Variants in DDAH1 observed in about 807,000 individuals in gnomAD.
DDAH1 encodes the protein dimethylarginine dimethylaminohydrolase 1, also known as N(G),N(G)-dimethylarginine dimethylaminohydrolase 1.
DDAH1 carries 19 observed loss-of-function variants against 28.8 expected under a neutral mutation model. The ratio of observed to expected loss-of-function variants is 0.66; its 90% CI spans 0.46 to 0.97. DDAH1 has a LOEUF of 0.97. Ranked by LOEUF, DDAH1 falls within the 50% of genes least tolerant of loss-of-function variation. DDAH1 has a pLI of 0.00. For synonymous variants in DDAH1, 153 were observed against 154.4 expected (o/e 0.99, Z 0.07); for missense variants, 326 against 375.9 (o/e 0.87, Z 1.10).
intron 1 of DDAH1, among the ~76,000 whole-genome samples, chr1:85,424,705 C>T (rs1034503467): frequency 4.6e-5 from 7 of 151,954 alleles, no homozygotes; most frequent in African/African-American, 9.7e-5. Context: ...TTATCATAGG[C>T]ATATATACCA....
At chr1:85,557,310 T>C (rs1659000308) in intron 1 of DDAH1, among the ~76,000 whole-genome samples, 4 of 152,332 alleles carry the variant, frequency 2.6e-5, no homozygotes, top group South Asian at 4.1e-4. Flanking sequence ...AGCTAATCTT[T>C]ATTGAGCACT....
intron 1 of DDAH1, among the ~76,000 whole-genome samples, chr1:85,459,947 G>A (rs889825119): frequency 2.0e-5 from 3 of 152,142 alleles, no homozygotes; most frequent in Admixed American, 1.3e-4. Flanking sequence ...TTAATGTTAT[G>A]TTAGGATTAA....
intron 1 of DDAH1, among the ~76,000 whole-genome samples, chr1:85,378,602 T>C (rs1439681509): frequency 6.6e-6 from 1 of 152,168 alleles, no homozygotes; most frequent in Non-Finnish European, 1.5e-5. Flanking sequence ...AGAGACAGGT[T>C]TTCACCATGT....
At position 85,360,018 on chromosome 1, in the gene DDAH1, G is replaced by T. The variant is rs2100861037; in HGVS notation, c.304-1171C>A. 1.3e-5 allele frequency among the ~76,000 whole-genome samples: 2 copies of T among 152,262 alleles called. 1 individual carries two copies. The highest frequency in any genetic ancestry group is 4.1e-4 in the South Asian group (2 of 4,822). ...ATACAATGAGATGACTCGAATAGGG[G>T]ACAAGGGAACAAGAGATCACATCAC... is the stretch of plus-strand genomic sequence containing the variant. On this transcript the variant is annotated intron_variant, in intron 1 of 5. Transcript: ENST00000284031.
Position 85,374,601 on chromosome 1 carries a change from T to C in DDAH1, c.304-15754A>G, listed in dbSNP as rs143136894. Among the ~76,000 whole-genome samples, 55 of 152,224 alleles carry C rather than the reference T, an allele frequency of 3.6e-4. No homozygotes were observed. In the East Asian group the frequency reaches 0.01, roughly 29 times the overall value. ...AGTATAGATAAGTCAAATAGAACCA[T>C]TAAAAATCTTTGTAATCCCAACACC... On this transcript the variant is annotated intron_variant, in intron 1 of 5. Transcript: ENST00000284031.
chr1:85,343,058 A>C (rs1648605372), intron 4 of DDAH1, among the ~76,000 whole-genome samples: 1 of 152,198 alleles, frequency 6.6e-6, no homozygotes, highest in African/African-American at 2.4e-5. Flanking sequence ...ACCATCCAAC[A>C]GATGATTACC....
chr1:85,491,296 A>C (rs1000066701), intron 2 of DDAH1, among the ~76,000 whole-genome samples: 1 of 152,052 alleles, frequency 6.6e-6, no homozygotes, highest in Non-Finnish European at 1.5e-5. Flanking sequence ...TGTGCTCTTA[A>C]TTGGGCCAAT....
intron 1 of DDAH1, among the ~76,000 whole-genome samples, chr1:85,410,757 T>C (rs569993996): frequency 1.2e-4 from 18 of 152,360 alleles, no homozygotes; most frequent in African/African-American, 4.3e-4. Flanking sequence ...TTTGTAGTAG[T>C]TGGCTTGACC....
chr1:85,351,630 C>T (rs986982147), intron 2 of DDAH1, 51 bp from the exon 3 acceptor site: 7 of 1,336,434 alleles, frequency 5.2e-6, no homozygotes, highest in Middle Eastern at 1.8e-4. Flanking sequence ...AGTGACTGTA[C>T]ATCATTTCTT....
At chr1:85,476,772 T>G (rs966955760) in intron 2 of DDAH1, among the ~76,000 whole-genome samples, 4 of 152,206 alleles carry the variant, frequency 2.6e-5, no homozygotes, top group Admixed American at 6.5e-5. Flanking sequence ...AGTCACACTC[T>G]TAGTATCAAG....
intron 1 of DDAH1, among the ~76,000 whole-genome samples, chr1:85,554,242 C>T (rs1570670360): frequency 6.7e-6 from 1 of 150,166 alleles, no homozygotes; most frequent in South Asian, 2.1e-4. Context: ...AATGTACAGG[C>T]CCTCGTAGTT....
At chr1:85,525,256 C>T (rs1363017341) in intron 1 of DDAH1, among the ~76,000 whole-genome samples, 31 of 151,866 alleles carry the variant, frequency 2.0e-4, no homozygotes, top group African/African-American at 7.5e-4. Flanking sequence ...AATAAACTTG[C>T]CCTTAAATAT....
At chr1:85,457,158 A>T (rs1317813523) in intron 1 of DDAH1, among the ~76,000 whole-genome samples, 2 of 152,204 alleles carry the variant, frequency 1.3e-5, no homozygotes, top group African/African-American at 4.8e-5. Context: ...AAATTTCAAA[A>T]GATCTGAGAG....
chr1:85,352,689 AATATT>A (rs1649284144), intron 2 of DDAH1, among the ~76,000 whole-genome samples: 1 of 152,174 alleles, frequency 6.6e-6, no homozygotes, highest in African/African-American at 2.4e-5. Context: ...TTCAATGCTT[AATATT>A]ATAAGTGTTT....
chr1:85,506,342 T>C (rs539873025), intron 1 of DDAH1, among the ~76,000 whole-genome samples: 21 of 152,332 alleles, frequency 1.4e-4, no homozygotes, highest in African/African-American at 5.1e-4. Flanking sequence ...CACAGAATCA[T>C]ACTCTGCAGT....
chr1:85,369,516 A>C (rs184960269), intron 1 of DDAH1, among the ~76,000 whole-genome samples: 2 of 152,268 alleles, frequency 1.3e-5, no homozygotes, highest in Admixed American at 1.3e-4. Flanking sequence ...CTTTATTTCT[A>C]AAAACCCGCA....
intron 1 of DDAH1, among the ~76,000 whole-genome samples, chr1:85,421,837 T>C (rs1300102599): frequency 2.6e-5 from 4 of 152,250 alleles, no homozygotes; most frequent in Non-Finnish European, 5.9e-5. Context: ...CATTCACATA[T>C]AGAAGGACAT....
intron 4 of DDAH1, among the ~76,000 whole-genome samples, chr1:85,346,693 T>A (rs527583331): frequency 6.6e-6 from 1 of 152,254 alleles, no homozygotes; most frequent in East Asian, 1.9e-4. Flanking sequence ...TATTCATCTG[T>A]CTTCCTGCCT....
At chr1:85,473,533 T>TG (rs1655691138) in intron 2 of DDAH1, among the ~76,000 whole-genome samples, 1 of 152,128 alleles carries the variant, frequency 6.6e-6, no homozygotes, top group African/African-American at 2.4e-5. Flanking sequence ...ACCCCCTTCA[T>TG]TTCCTTGTGA....
Sources: gnomAD v4.1 joint callset for allele counts (sites outside exome capture counted in the v4.1 genomes callset) on GRCh38, gnomAD v4.1.1 for gene constraint, MANE v1.5 for transcripts, NCBI Gene and HGNC (gene_info 2026-07-23, HGNC 2026-07-21) for gene names.